The following PAK1 variants were observed in gnomAD, a reference collection of about 807,000 sequenced individuals.
PAK1 encodes p21 (RAC1) activated kinase 1.
Under a neutral mutation model 67.4 loss-of-function variants are expected in PAK1, and 29 were observed. The observed-to-expected ratio is 0.43, with a 90% CI of 0.32 to 0.59. The LOEUF (loss-of-function observed/expected upper bound fraction) is 0.59, where lower values mean the gene tolerates loss of function less well. Among genes scored for constraint, PAK1 ranks in the 20% least tolerant of loss-of-function variants. PAK1 has a pLI of 0.07. For synonymous variants in PAK1, 223 were observed against 237.4 expected (o/e 0.94, Z 0.56); for missense variants, 337 against 670.7 (o/e 0.50, Z 5.50).
At chr11:77,515,910 G>A in the PAK1 span, among the ~76,000 whole-genome samples, 80 of 152,160 alleles carry the variant, frequency 5.3e-4, no homozygotes, top group African/African-American at 1.6e-3. Flanking sequence ...TTCATTTCTC[G>A]GTTGCTGGCA....
At chr11:77,463,678 T>C (rs1326275771) in intron 1 of PAK1, among the ~76,000 whole-genome samples, 1 of 152,260 alleles carries the variant, frequency 6.6e-6, no homozygotes, top group Non-Finnish European at 1.5e-5. Context: ...AGAGAGACTT[T>C]GGCAATTACT....
chr11:77,490,295 C>CCAACCCGG, the PAK1 span, among the ~76,000 whole-genome samples: 5 of 147,924 alleles, frequency 3.4e-5, no homozygotes, highest in South Asian at 2.2e-4. Flanking sequence ...GGTCAGCCCC[C>CCAACCCGG]CCACCCGGCC....
chr11:77,385,519 C>T (rs1292647156), intron 2 of PAK1, among the ~76,000 whole-genome samples: 2 of 152,200 alleles, frequency 1.3e-5, no homozygotes, highest in African/African-American at 4.8e-5. Context: ...ACATATATAA[C>T]TGACAGAAGA....
At chr11:77,380,487 T>C (rs1949670803) in intron 2 of PAK1, among the ~76,000 whole-genome samples, 3 of 152,088 alleles carry the variant, frequency 2.0e-5, no homozygotes, top group Admixed American at 2.0e-4. Flanking sequence ...AGTGAGGCCC[T>C]GTCTCAAAAA....
intron 1 of PAK1, among the ~76,000 whole-genome samples, chr11:77,438,315 T>C (rs1172374217): frequency 1.3e-5 from 2 of 152,098 alleles, no homozygotes; most frequent in Non-Finnish European, 2.9e-5. Flanking sequence ...AAGGGGATAG[T>C]GCTAAACCAT....
upstream of PAK1, among the ~76,000 whole-genome samples, chr11:77,477,915 C>T (rs191811266): frequency 5.9e-5 from 9 of 152,230 alleles, no homozygotes; most frequent in East Asian, 1.5e-3. Context: ...AGCGTGAAAC[C>T]GTGTCTCAAA....
chr11:77,339,084 A>G (rs929952983), intron 11 of PAK1, among the ~76,000 whole-genome samples: 8 of 152,180 alleles, frequency 5.3e-5, no homozygotes, highest in African/African-American at 1.7e-4. Flanking sequence ...ATATCTCAAT[A>G]AAGATTTTTT....
intron 9 of PAK1, among the ~76,000 whole-genome samples, chr11:77,346,142 T>C (rs1458488684): frequency 6.6e-6 from 1 of 152,024 alleles, no homozygotes; most frequent in Non-Finnish European, 1.5e-5. Context: ...CCCAGCTAAT[T>C]TTGGTATTTT....
intron 9 of PAK1, 55 bp downstream of exon 9, chr11:77,349,184 T>A (rs908551588): frequency 3.3e-6 from 4 of 1,217,388 alleles, no homozygotes; most frequent in African/African-American, 1.5e-5. Flanking sequence ...TAAAAATTAA[T>A]CCCAAATAAA....
intron 5 of PAK1, among the ~76,000 whole-genome samples, chr11:77,363,611 G>A (rs917424536): frequency 6.6e-6 from 1 of 151,900 alleles, no homozygotes. Context: ...TGCTTTTTGG[G>A]ACCCCAGTCT....
chr11:77,380,492 CAAAAAAA>C (rs1345376455), intron 2 of PAK1, among the ~76,000 whole-genome samples: 2 of 151,246 alleles, frequency 1.3e-5, no homozygotes, highest in Non-Finnish European at 3.0e-5. Flanking sequence ...GGCCCTGTCT[CAAAAAAA>C]CAAAAAACAA....
At chr11:77,424,557 G>T (rs972931612) in intron 1 of PAK1, among the ~76,000 whole-genome samples, 1 of 152,196 alleles carries the variant, frequency 6.6e-6, no homozygotes, top group Non-Finnish European at 1.5e-5. Context: ...AGTCTTATCA[G>T]TTACTACACT....
At chr11:77,448,741 C>A (rs1040053766) in intron 1 of PAK1, among the ~76,000 whole-genome samples, 1 of 152,118 alleles carries the variant, frequency 6.6e-6, no homozygotes, top group Non-Finnish European at 1.5e-5. Flanking sequence ...TATACAGAAC[C>A]AGAAATAAGA....
chr11:77,436,911 G>A (rs1467011639), intron 1 of PAK1, among the ~76,000 whole-genome samples: 1 of 152,094 alleles, frequency 6.6e-6, no homozygotes, highest in East Asian at 1.9e-4. Flanking sequence ...TAAAATGCGC[G>A]ACAGATGCCA....
chr11:77,505,448 T>C, the PAK1 span, among the ~76,000 whole-genome samples: 1 of 152,194 alleles, frequency 6.6e-6, no homozygotes, highest in Non-Finnish European at 1.5e-5. Context: ...TTGGCCTCCC[T>C]AAGTGCTGAG....
intron 14 of PAK1, among the ~76,000 whole-genome samples, chr11:77,331,446 T>A (rs562852695): frequency 5.5e-4 from 84 of 152,332 alleles, no homozygotes; most frequent in African/African-American, 2.0e-3. Flanking sequence ...CATGGAATAC[T>A]ATGCAGCCAT....
chr11:77,410,274 C>A (rs1290892509), intron 1 of PAK1, among the ~76,000 whole-genome samples: 1 of 152,176 alleles, frequency 6.6e-6, no homozygotes, highest in Non-Finnish European at 1.5e-5. Flanking sequence ...AGGCCCCCCA[C>A]TTCCCATCTT....
intron 5 of PAK1, among the ~76,000 whole-genome samples, chr11:77,364,003 G>A (rs183809148): frequency 6.6e-6 from 1 of 152,366 alleles, no homozygotes; most frequent in East Asian, 1.9e-4. Flanking sequence ...GGAGATATGG[G>A]CAATGCCCAG....
At chr11:77,500,559 G>A in the PAK1 span, among the ~76,000 whole-genome samples, 24 of 151,786 alleles carry the variant, frequency 1.6e-4, no homozygotes, top group Non-Finnish European at 2.6e-4. Flanking sequence ...CAAGATTTCC[G>A]TTCTGGCTGG....
Sources: allele counts gnomAD v4.1 joint callset (sites outside exome capture counted in the v4.1 genomes callset), GRCh38; gene constraint gnomAD v4.1.1; transcripts MANE v1.5; gene names NCBI Gene and HGNC (gene_info 2026-07-23, HGNC 2026-07-21).